TCP11L1: variants seen among roughly 807,000 people sequenced by gnomAD.
The protein encoded by TCP11L1 is t-complex 11 like 1.
In TCP11L1, 28 loss-of-function variants were observed where a neutral mutation model predicts 48.9. The observed-to-expected ratio is 0.57, with a 90% confidence interval of 0.42 to 0.78. TCP11L1 has a LOEUF of 0.78. Ranked by LOEUF, TCP11L1 falls within the 30% of genes least tolerant of loss-of-function variation. The pLI is 0.00. For synonymous variants in TCP11L1, 204 were observed against 231.9 expected (o/e 0.88, Z 1.09); for missense variants, 505 against 613.4 (o/e 0.82, Z 1.87).
At chr11:33,065,378 C>G (rs1854584687) in intron 7 of TCP11L1, among the ~76,000 whole-genome samples, 1 of 152,164 alleles carries the variant, frequency 6.6e-6, no homozygotes, top group African/African-American at 2.4e-5. Flanking sequence ...ATTCTCCTGC[C>G]TCATCCTCCC....
At chr11:33,041,559 T>A (rs919863812) in intron 1 of TCP11L1, among the ~76,000 whole-genome samples, 6 of 152,206 alleles carry the variant, frequency 3.9e-5, no homozygotes, top group African/African-American at 1.4e-4. Context: ...GAGACAAGCC[T>A]GGCCAACATA....
intron 5 of TCP11L1, among the ~76,000 whole-genome samples, chr11:33,058,699 A>G (rs1302396176): frequency 2.0e-5 from 3 of 152,146 alleles, no homozygotes; most frequent in East Asian, 3.8e-4. Context: ...CTTTTGAAAA[A>G]TTCCAAACCT....
rs373308760 is a variant in TCP11L1 at position 33,043,547 on chromosome 11, TA to T, written c.-24-200del. On this transcript the variant is annotated intron_variant, in intron 1 of 9. Coordinates refer to ENST00000334274, the MANE Select transcript of TCP11L1 (RefSeq NM_018393.4). ...TACTACGTGAGATCCAGAAATCTGA[TA>T]AATTACAAATGTCATTTTACAAGTA... Among the ~76,000 whole-genome samples, 40 of 152,330 alleles carry T rather than the reference TA, an allele frequency of 2.6e-4. 1 individual carries two copies. In the South Asian group the frequency reaches 7.7e-3, roughly 29 times the overall value.
intron 2 of TCP11L1, among the ~76,000 whole-genome samples, chr11:33,053,958 G>C (rs1265080435): frequency 6.6e-6 from 1 of 152,088 alleles, no homozygotes; most frequent in Non-Finnish European, 1.5e-5. Flanking sequence ...TGGGACTACA[G>C]GCATGCACCA....
rs73487358 is a variant in TCP11L1 at position 33,046,948 on chromosome 11, C to T, written c.163+3012C>T. 7.0e-3 allele frequency among the ~76,000 whole-genome samples: 973 copies of T among 138,256 alleles called. 5 individuals are homozygous for T. Among genetic ancestry groups the T allele is most frequent in the African/African-American group, 0.023 (912 of 40,186 alleles). The allele number at this position is 138,256 out of a possible 152,430, so 90.7% of individuals were successfully genotyped here. ...TTAAGAGTGGAGTTGCTAGGCCAGG[C>T]GCATTGGCTCATGCCTATAAGCACT... On this transcript the variant is annotated intron_variant, in intron 2 of 9. Transcript: ENST00000334274.
intron 7 of TCP11L1, among the ~76,000 whole-genome samples, chr11:33,062,316 G>A (rs1342862127): frequency 7.7e-5 from 8 of 103,958 alleles, no homozygotes; most frequent in African/African-American, 1.9e-4. Flanking sequence ...TCCCTCCAAC[G>A]CCTGAAGCCA....
At chr11:33,048,264 C>T (rs1590222417) in intron 2 of TCP11L1, among the ~76,000 whole-genome samples, 1 of 151,978 alleles carries the variant, frequency 6.6e-6, no homozygotes, top group Admixed American at 6.6e-5. Flanking sequence ...TCACCCACCT[C>T]AACCTCCCTA....
intron 4 of TCP11L1, among the ~76,000 whole-genome samples, chr11:33,057,468 A>G (rs1854343827): frequency 6.6e-6 from 1 of 152,262 alleles, no homozygotes; most frequent in Admixed American, 6.5e-5. Flanking sequence ...CACAAAATCT[A>G]GTTTATTTAT....
At chr11:33,058,463 G>A (rs1184346365) in intron 5 of TCP11L1, among the ~76,000 whole-genome samples, 1 of 151,282 alleles carries the variant, frequency 6.6e-6, no homozygotes, top group Non-Finnish European at 1.5e-5. Context: ...CTCCCAAAGT[G>A]CTGGGATTAC....
chr11:33,053,356 G>A (rs562088907), intron 2 of TCP11L1, among the ~76,000 whole-genome samples: 20 of 152,156 alleles, frequency 1.3e-4, no homozygotes, highest in East Asian at 5.8e-4. Flanking sequence ...TGTTGGCCAC[G>A]TGGGTCTCCA....
At chr11:33,063,013 C>A (rs1469542074) in intron 7 of TCP11L1, among the ~76,000 whole-genome samples, 1 of 152,128 alleles carries the variant, frequency 6.6e-6, no homozygotes, top group Non-Finnish European at 1.5e-5. Context: ...GAGTGTACCA[C>A]CACCCCCAGC....
At chr11:33,060,676 G>A (rs1458089085) in intron 6 of TCP11L1, among the ~76,000 whole-genome samples, 1 of 152,182 alleles carries the variant, frequency 6.6e-6, no homozygotes, top group Non-Finnish European at 1.5e-5. Flanking sequence ...CTGAAAGCCA[G>A]ATGGGGCTTC....
At chr11:33,069,369 C>T (rs551738112) in intron 9 of TCP11L1, among the ~76,000 whole-genome samples, 7 of 151,242 alleles carry the variant, frequency 4.6e-5, no homozygotes, top group African/African-American at 1.7e-4. Context: ...AATATAATAA[C>T]TTAAAATGGT....
At chr11:33,048,522 T>C (rs1207855972) in intron 2 of TCP11L1, among the ~76,000 whole-genome samples, 2 of 152,228 alleles carry the variant, frequency 1.3e-5, no homozygotes, top group African/African-American at 4.8e-5. Flanking sequence ...TTCCTCTGTA[T>C]GTACATCGGT....
At chr11:33,046,034 T>C (rs1853984140) in intron 2 of TCP11L1, among the ~76,000 whole-genome samples, 1 of 152,208 alleles carries the variant, frequency 6.6e-6, no homozygotes, top group Non-Finnish European at 1.5e-5. Flanking sequence ...AGCCAGCAAG[T>C]CTAGACACAT....
chr11:33,041,645 G>A (rs1853836108), intron 1 of TCP11L1, among the ~76,000 whole-genome samples: 1 of 152,116 alleles, frequency 6.6e-6, no homozygotes, highest in South Asian at 2.1e-4. Flanking sequence ...CAGCTACTGG[G>A]GAGGCTGAGG....
intron 2 of TCP11L1, among the ~76,000 whole-genome samples, chr11:33,054,068 G>A (rs773175635): frequency 6.6e-6 from 1 of 151,984 alleles, no homozygotes; most frequent in African/African-American, 2.4e-5. Context: ...CTCTCGCCTC[G>A]GCCTCCCAAA....
intron 5 of TCP11L1, 75 bp from the exon 6 acceptor site, chr11:33,058,884 C>A: frequency 6.5e-7 from 1 of 1,533,782 alleles, no homozygotes; most frequent in Non-Finnish European, 8.9e-7. Context: ...GTGTGAGCCA[C>A]GCGTCTGGTC....
At chr11:33,061,782 T>G in intron 7 of TCP11L1, 56 bp downstream of exon 7, 1 of 1,496,564 alleles carries the variant, frequency 6.7e-7, no homozygotes. Flanking sequence ...GCTGAACTTT[T>G]TAAAAAGAAT....
Sources: gnomAD v4.1 joint callset for allele counts (sites outside exome capture counted in the v4.1 genomes callset) on GRCh38, gnomAD v4.1.1 for gene constraint, MANE v1.5 for transcripts, NCBI Gene and HGNC (gene_info 2026-07-23, HGNC 2026-07-21) for gene names.